Variants in PDS5B observed in about 807,000 individuals in gnomAD.
PDS5B encodes the protein PDS5 cohesin associated factor B.
PDS5B carries 51 observed loss-of-function variants against 184.1 expected under a neutral mutation model. That is an observed-to-expected ratio of 0.28 (90% CI 0.22 to 0.35). PDS5B has a LOEUF of 0.35. Among genes scored for constraint, PDS5B ranks in the 10% least tolerant of loss-of-function variants. The pLI is 1.00. For synonymous variants in PDS5B, 566 were observed against 569.2 expected (o/e 0.99, Z 0.08); for missense variants, 1,180 against 1,723.3 (o/e 0.68, Z 5.58).
At chr13:32,646,685 G>A (rs1453142107) in intron 1 of PDS5B, among the ~76,000 whole-genome samples, 1 of 151,286 alleles carries the variant, frequency 6.6e-6, no homozygotes, top group African/African-American at 2.4e-5. Flanking sequence ...CTTTTAAGGT[G>A]TTTATGTTGA....
At chr13:32,618,483 G>T (rs971624707) in intron 1 of PDS5B, among the ~76,000 whole-genome samples, 1 of 151,378 alleles carries the variant, frequency 6.6e-6, no homozygotes, top group East Asian at 1.9e-4. Context: ...CCAGTTACCC[G>T]TCCAGTGTAA....
chr13:32,620,414 T>G (rs1035748463), intron 1 of PDS5B, among the ~76,000 whole-genome samples: 2 of 151,836 alleles, frequency 1.3e-5, no homozygotes, highest in Admixed American at 6.6e-5. Flanking sequence ...TCCCAGCACT[T>G]TGGGAGGCCG....
At chr13:32,648,711 ATATC>A in intron 1 of PDS5B, 39 bp from the exon 2 acceptor site, 1 of 780,520 alleles carries the variant, frequency 1.3e-6, no homozygotes, top group South Asian at 1.4e-5. Context: ...AAGAATGTTT[ATATC>A]TATTTTTTGG....
At chr13:32,678,495 G>C (rs778346474) in intron 9 of PDS5B, among the ~76,000 whole-genome samples, 12 of 152,130 alleles carry the variant, frequency 7.9e-5, no homozygotes, top group Non-Finnish European at 1.6e-4. Flanking sequence ...ATGTTTCTAT[G>C]AACTATATAT....
intron 1 of PDS5B, among the ~76,000 whole-genome samples, chr13:32,611,409 A>G (rs2058139468): frequency 6.6e-6 from 1 of 152,010 alleles, no homozygotes; most frequent in Non-Finnish European, 1.5e-5. Context: ...CTGGTCTCCC[A>G]ATTCCAGTCT....
Position 32,642,365 on chromosome 13 carries a change from T to C in PDS5B, c.-19-6389T>C, listed in dbSNP as rs929746152. Among the ~76,000 whole-genome samples the C allele has an allele frequency of 4.6e-5, 7 of 152,146 alleles. No homozygotes were observed. The South Asian group carries it at 1.4e-3, about 31-fold the overall frequency. On this transcript the variant is annotated intron_variant, in intron 1 of 34. Coordinates refer to ENST00000315596, the MANE Select transcript of PDS5B (RefSeq NM_015032.4). Reference sequence around the variant, plus strand: ...TTTTCTTAAGGAGCTTACAGTCTAGTGGGAGAGACAAAGATAGAAATAAGT... The same window carrying C: ...TTTTCTTAAGGAGCTTACAGTCTAGCGGGAGAGACAAAGATAGAAATAAGT...
At chr13:32,722,906 G>A (rs965076155) in intron 19 of PDS5B, among the ~76,000 whole-genome samples, 8 of 152,186 alleles carry the variant, frequency 5.3e-5, no homozygotes, top group African/African-American at 1.9e-4. Context: ...CTAGTGTCTT[G>A]CAGTGGAAGA....
chr13:32,735,239 A>G lies in PDS5B; in HGVS notation c.2315A>G (p.His772Arg). The change falls in exon 21 of 35, where the codon CAT (histidine) becomes CGT (arginine). Residue 772 changes from histidine to arginine, a missense_variant. Physicochemically the swap from His to Arg is conservative, Grantham distance 29 (BLOSUM62 0). This residue lies in a region of PDS5B where 475 missense variants were observed against 691.5 expected (regional missense o/e 0.69). Coordinates refer to ENST00000315596, the MANE Select transcript of PDS5B (RefSeq NM_015032.4). ...HLITPLVTIGHIALLAPDQFA... is the reference protein window; with the variant it reads ...HLITPLVTIGRIALLAPDQFA... ...ATAACACCATTGGTTACTATTGGTC[A>G]TATTGCTCTCCTTGCACCTGATCAA... 6.2e-7 allele frequency: 1 copy of G among 1,612,432 alleles called. No homozygotes were observed. The highest frequency in any genetic ancestry group is 8.5e-7 in the Non-Finnish European group (1 of 1,178,638).
At chr13:32,586,786 G>C (rs2057683651) in intron 1 of PDS5B, among the ~76,000 whole-genome samples, 193 bp downstream of exon 1, 1 of 147,474 alleles carries the variant, frequency 6.8e-6, no homozygotes, top group Non-Finnish European at 1.5e-5. Context: ...GGTGGCCCGG[G>C]GCGGGGGTCG....
At chr13:32,692,502 C>T (rs915937614) in intron 13 of PDS5B, among the ~76,000 whole-genome samples, 9 of 134,520 alleles carry the variant, frequency 6.7e-5, no homozygotes, top group Non-Finnish European at 1.2e-4. Flanking sequence ...GACAGGTCCT[C>T]TTCAACATTT....
At chr13:32,736,398 A>C (rs905615295) in intron 21 of PDS5B, among the ~76,000 whole-genome samples, 1 of 152,068 alleles carries the variant, frequency 6.6e-6, no homozygotes, top group Non-Finnish European at 1.5e-5. Context: ...TCTTTGGGTT[A>C]AGAATTCTAG....
At chr13:32,605,804 A>T (rs140666834) in intron 1 of PDS5B, among the ~76,000 whole-genome samples, 7,342 of 151,784 alleles carry the variant, frequency 0.048, 488 homozygotes, top group African/African-American at 0.16. Context: ...TGTTGAATCG[A>T]TCCCTTTACC....
intron 1 of PDS5B, among the ~76,000 whole-genome samples, chr13:32,643,571 A>G (rs915098108): frequency 6.6e-6 from 1 of 152,150 alleles, no homozygotes; most frequent in Non-Finnish European, 1.5e-5. Flanking sequence ...GACTGCATAT[A>G]TGATGGTGGT....
chr13:32,642,196 AGC>A (rs1950113833), intron 1 of PDS5B, among the ~76,000 whole-genome samples: 1 of 152,130 alleles, frequency 6.6e-6, no homozygotes, highest in African/African-American at 2.4e-5. Flanking sequence ...TCCTGTGTCT[AGC>A]TCTACTTTTT....
intron 1 of PDS5B, among the ~76,000 whole-genome samples, chr13:32,632,345 G>C (rs571359918): frequency 4.6e-5 from 7 of 152,226 alleles, no homozygotes; most frequent in South Asian, 4.1e-4. Flanking sequence ...TAATTTAAAA[G>C]TGAGCAATGA....
chr13:32,590,963 TAAA>T (rs561927231), intron 1 of PDS5B, among the ~76,000 whole-genome samples: 2 of 141,772 alleles, frequency 1.4e-5, no homozygotes, highest in African/African-American at 5.2e-5. Context: ...AGGTATATGG[TAAA>T]AAAAAAAAAA....
At chr13:32,623,725 A>G (rs1437033933) in intron 1 of PDS5B, among the ~76,000 whole-genome samples, 1 of 147,190 alleles carries the variant, frequency 6.8e-6, no homozygotes, top group Non-Finnish European at 1.5e-5. Flanking sequence ...TTTTAGTTTT[A>G]AAAAAAGTTT....
intron 12 of PDS5B, among the ~76,000 whole-genome samples, chr13:32,687,560 A>G (rs928808614): frequency 6.6e-6 from 1 of 152,170 alleles, no homozygotes. Flanking sequence ...AATAGTTATA[A>G]TTTTAGTTCA....
At chr13:32,635,001 CTTTTTTTTT>C (rs4057820) in intron 1 of PDS5B, among the ~76,000 whole-genome samples, 1 of 129,114 alleles carries the variant, frequency 7.7e-6, no homozygotes, top group Non-Finnish European at 1.6e-5. Flanking sequence ...CTTACTGCCT[CTTTTTTTTT>C]TTTTTTTTTT....
Sources: gnomAD v4.1 joint callset for allele counts (sites outside exome capture counted in the v4.1 genomes callset) on GRCh38, gnomAD v4.1.1 for gene constraint, gnomAD v4.1.1 regional missense constraint, MANE v1.5 for transcripts, NCBI Gene and HGNC (gene_info 2026-07-23, HGNC 2026-07-21) for gene names.